The following ARHGAP10 variants were observed in gnomAD, a reference collection of about 807,000 sequenced individuals.
The protein encoded by ARHGAP10 is rho GTPase-activating protein 10.
Under a neutral mutation model 108.6 loss-of-function variants are expected in ARHGAP10, and 87 were observed. The observed-to-expected ratio is 0.80, with a 90% CI of 0.67 to 0.96. The LOEUF is 0.96. ARHGAP10 is among the 40% of genes least tolerant of loss of function. The pLI is 0.00. For synonymous variants in ARHGAP10, 347 were observed against 341.1 expected (o/e 1.02, Z -0.19); for missense variants, 939 against 954.5 (o/e 0.98, Z 0.21).
chr4:147,874,130 G>A (rs1052038967), intron 7 of ARHGAP10, among the ~76,000 whole-genome samples: 14 of 151,856 alleles, frequency 9.2e-5, no homozygotes, highest in African/African-American at 2.7e-4. Flanking sequence ...CTAACATTTT[G>A]CCACGCTTAG....
At chr4:148,000,041 A>G (rs886225769) in intron 18 of ARHGAP10, among the ~76,000 whole-genome samples, 2 of 151,708 alleles carry the variant, frequency 1.3e-5, no homozygotes. Context: ...CTGGTCATTT[A>G]CATTAGGTAT....
chr4:147,998,689 A>G (rs1028085596), intron 18 of ARHGAP10, among the ~76,000 whole-genome samples: 1 of 152,272 alleles, frequency 6.6e-6, no homozygotes, highest in African/African-American at 2.4e-5. Context: ...TTGAAAATAC[A>G]TTAGTATATC....
At chr4:147,833,416 G>GT (rs1237295243) in intron 3 of ARHGAP10, among the ~76,000 whole-genome samples, 1 of 152,146 alleles carries the variant, frequency 6.6e-6, no homozygotes, top group East Asian at 1.9e-4. Context: ...AAGATTGTAA[G>GT]TTTCCTGAGA....
chr4:147,733,088 G>A (rs1300245642), intron 1 of ARHGAP10, among the ~76,000 whole-genome samples: 1 of 152,130 alleles, frequency 6.6e-6, no homozygotes, highest in East Asian at 1.9e-4. Context: ...AAAGATTGGG[G>A]TTTGGAAGGG....
chr4:147,768,707 TTAAG>T (rs1316145057), intron 1 of ARHGAP10, among the ~76,000 whole-genome samples: 1 of 151,628 alleles, frequency 6.6e-6, no homozygotes, highest in African/African-American at 2.4e-5. Context: ...GTTTAAACAT[TTAAG>T]TGCTTAAAAA....
Position 147,955,376 on chromosome 4 carries a change from T to G in ARHGAP10, c.1450+2T>G. On this transcript the variant is annotated splice_donor_variant, in intron 16 of 22. Coordinates refer to ENST00000336498, the MANE Select transcript of ARHGAP10 (RefSeq NM_024605.4). LOFTEE classifies it high-confidence loss of function. Reference sequence around the variant, plus strand: ...ATGGAGATTTCATTGTTCCAGCCAGTAAGTATTATGTAAAGGTATATAGGA... The same window carrying G: ...ATGGAGATTTCATTGTTCCAGCCAGGAAGTATTATGTAAAGGTATATAGGA... 2.5e-6 allele frequency: 4 copies of G among 1,609,778 alleles called. No individual in the cohort carries two copies. The highest frequency in any genetic ancestry group is 3.4e-6 in the Non-Finnish European group (4 of 1,176,674).
chr4:147,799,998 G>T (rs573925294), intron 1 of ARHGAP10, among the ~76,000 whole-genome samples: 3 of 152,140 alleles, frequency 2.0e-5, no homozygotes, highest in Non-Finnish European at 2.9e-5. Flanking sequence ...TTAGCACACA[G>T]GTCCTGCCCT....
intron 1 of ARHGAP10, among the ~76,000 whole-genome samples, chr4:147,733,412 G>A (rs147105632): frequency 6.6e-6 from 1 of 152,264 alleles, no homozygotes; most frequent in African/African-American, 2.4e-5. Flanking sequence ...GGCGGTGAAT[G>A]TCCCCTTTCC....
chr4:147,879,055 C>T (rs1735214477), intron 8 of ARHGAP10, among the ~76,000 whole-genome samples, 177 bp from the exon 9 acceptor site: 1 of 152,254 alleles, frequency 6.6e-6, no homozygotes, highest in Non-Finnish European at 1.5e-5. Context: ...CAGGCGTGAG[C>T]CACCGTGCCC....
At chr4:147,865,124 C>T in intron 6 of ARHGAP10, 168 bp downstream of exon 6, 1 of 597,954 alleles carries the variant, frequency 1.7e-6, no homozygotes, top group African/African-American at 1.9e-5. Context: ...AAGGAATTGC[C>T]TCTAAATCAG....
chr4:148,003,839 A>G (rs1578780674), intron 18 of ARHGAP10, among the ~76,000 whole-genome samples: 1 of 114,366 alleles, frequency 8.7e-6, no homozygotes, highest in Non-Finnish European at 1.7e-5. Context: ...AATACAGCAC[A>G]CTGATAGGTC....
chr4:147,870,787 G>A (rs1262891217), intron 7 of ARHGAP10, among the ~76,000 whole-genome samples: 1 of 152,164 alleles, frequency 6.6e-6, no homozygotes, highest in Admixed American at 6.6e-5. Flanking sequence ...ATTCTTCCTG[G>A]AAGGAAATAC....
chr4:147,896,163 C>T (rs1037162728), intron 10 of ARHGAP10, among the ~76,000 whole-genome samples: 7 of 152,048 alleles, frequency 4.6e-5, no homozygotes, highest in African/African-American at 1.7e-4. Flanking sequence ...GAGATGTGTG[C>T]GTTATGATCT....
chr4:148,071,945 A>G (rs1730200290), intron 22 of ARHGAP10, 48 bp from the exon 23 acceptor site: 1 of 1,533,304 alleles, frequency 6.5e-7, no homozygotes, highest in Non-Finnish European at 9.0e-7. Flanking sequence ...CCCAGGAGGC[A>G]AGTACTTGGG....
intron 10 of ARHGAP10, among the ~76,000 whole-genome samples, chr4:147,902,470 G>A (rs1736288659): frequency 6.6e-6 from 1 of 152,190 alleles, no homozygotes; most frequent in South Asian, 2.1e-4. Flanking sequence ...GCTCATGCCT[G>A]TAATCCCAGC....
rs1019127644 is a variant in ARHGAP10, at chr4:147,826,060, G to A, written c.312+3103G>A. 2.0e-5 allele frequency among the ~76,000 whole-genome samples: 3 copies of A among 152,344 alleles called. No individual in the cohort carries two copies. The South Asian group carries it at 6.2e-4, about 32-fold the overall frequency. ...GGCTACAGCATATCTGGAGTGGTGA[G>A]GTGCGGACTGCCTTTTCAGTAGGAT... is the stretch of plus-strand genomic sequence containing the variant. On this transcript the variant is annotated intron_variant, in intron 3 of 22. Coordinates refer to ENST00000336498, the MANE Select transcript of ARHGAP10 (RefSeq NM_024605.4).
intron 1 of ARHGAP10, among the ~76,000 whole-genome samples, chr4:147,790,160 C>T (rs543003330): frequency 5.9e-5 from 9 of 152,144 alleles, no homozygotes; most frequent in African/African-American, 2.2e-4. Context: ...GGTGAGGGCC[C>T]ACTTCCTGAC....
intron 14 of ARHGAP10, 74 bp from the exon 15 acceptor site, chr4:147,946,543 C>G: frequency 7.8e-7 from 1 of 1,282,184 alleles, no homozygotes; most frequent in Non-Finnish European, 1.1e-6. Flanking sequence ...AAAATGGAAG[C>G]TTTGTGAGCT....
chr4:148,045,346 A>G (rs1386491831), intron 19 of ARHGAP10, among the ~76,000 whole-genome samples: 2 of 152,066 alleles, frequency 1.3e-5, no homozygotes, highest in Admixed American at 6.5e-5. Context: ...AGGAGTCAAT[A>G]ATAATTATTT....
Sources: allele counts gnomAD v4.1 joint callset (sites outside exome capture counted in the v4.1 genomes callset), GRCh38; gene constraint gnomAD v4.1.1; transcripts MANE v1.5; gene names NCBI Gene and HGNC (gene_info 2026-07-23, HGNC 2026-07-21).